Variants in PTPRK observed in about 807,000 individuals in gnomAD.
The protein encoded by PTPRK is receptor-type tyrosine-protein phosphatase kappa.
A neutral mutation model predicts 178.0 loss-of-function variants in PTPRK; 75 were observed. The observed-to-expected ratio is 0.42, with a 90% confidence interval of 0.35 to 0.51. The LOEUF (loss-of-function observed/expected upper bound fraction) is 0.51. PTPRK is among the 20% of genes least tolerant of loss of function. The pLI is 0.02. For missense variants in PTPRK, 1,441 were observed against 1,797.8 expected, an observed-to-expected ratio of 0.80 and a Z score of 3.59; for synonymous variants, 637 against 620.6, an observed-to-expected ratio of 1.03 and a Z score of -0.39.
chr6:128,408,301 T>C (rs187165613), intron 1 of PTPRK, among the ~76,000 whole-genome samples: 75 of 152,222 alleles, frequency 4.9e-4, no homozygotes, highest in African/African-American at 1.8e-3. Context: ...GGCAGGAGAA[T>C]AGCTTGAACC....
chr6:128,220,259 T>C (rs1412293821), intron 5 of PTPRK, among the ~76,000 whole-genome samples: 2 of 152,096 alleles, frequency 1.3e-5, no homozygotes, highest in Non-Finnish European at 2.9e-5. Context: ...ATCTTCTATA[T>C]GCAATTAGAA....
chr6:128,294,597 A>C, intron 3 of PTPRK, among the ~76,000 whole-genome samples: 1 of 152,072 alleles, frequency 6.6e-6, no homozygotes, highest in East Asian at 1.9e-4. Flanking sequence ...CAGTTTTGGG[A>C]AAAGATACAA....
chr6:128,335,656 A>T (rs1394351141), intron 2 of PTPRK, among the ~76,000 whole-genome samples: 2 of 152,050 alleles, frequency 1.3e-5, no homozygotes, highest in African/African-American at 2.4e-5. Flanking sequence ...AAATATAATA[A>T]AAGAAACTGA....
At chr6:128,459,761 G>GGTT (rs1452166982) in intron 1 of PTPRK, among the ~76,000 whole-genome samples, 2 of 152,166 alleles carry the variant, frequency 1.3e-5, no homozygotes, top group Non-Finnish European at 1.5e-5. Flanking sequence ...GATTCAAAGA[G>GGTT]GTTGTATTAG....
intron 4 of PTPRK, chr6:128,241,265 C>A: frequency 1.9e-6 from 1 of 533,360 alleles, no homozygotes; most frequent in South Asian, 1.4e-5. Flanking sequence ...TGAGTTAGAA[C>A]ATGAACTAAA....
intron 13 of PTPRK, among the ~76,000 whole-genome samples, chr6:128,053,899 GA>G (rs1779471234): frequency 6.6e-6 from 1 of 152,030 alleles, no homozygotes; most frequent in African/African-American, 2.4e-5. Context: ...GAAGAAAAGA[GA>G]AAAGGCTGAG....
rs9482873 is a variant in PTPRK at position 128,063,999 on chromosome 6, C to T, written c.2194+759G>A. On this transcript the variant is annotated intron_variant, in intron 13 of 29. Transcript: ENST00000368226. ...CCCAAGAACCAACCCTTTGAGGAGG[C>T]CCACGTCTGCATGCAGACAGCTTTT... Among the ~76,000 whole-genome samples, 1,019 of 152,220 alleles carry T rather than the reference C, an allele frequency of 6.7e-3. 10 individuals are homozygous for T. The highest frequency in any genetic ancestry group is 0.023 in the African/African-American group (951 of 41,524).
At chr6:128,126,960 ATT>A (rs34224724) in intron 7 of PTPRK, among the ~76,000 whole-genome samples, 1 of 145,984 alleles carries the variant, frequency 6.9e-6, no homozygotes. Flanking sequence ...TGGTACTTTC[ATT>A]TTTTTTTTTT....
At chr6:128,165,131 T>TA (rs1269450468) in intron 7 of PTPRK, among the ~76,000 whole-genome samples, 1 of 150,900 alleles carries the variant, frequency 6.6e-6, no homozygotes, top group South Asian at 2.1e-4. Context: ...CCTACCGCAT[T>TA]AAAAAAAACC....
chr6:128,255,036 G>C (rs1481314851), intron 3 of PTPRK, among the ~76,000 whole-genome samples: 2 of 152,214 alleles, frequency 1.3e-5, no homozygotes, highest in Non-Finnish European at 2.9e-5. Flanking sequence ...TATCGCCCAG[G>C]CTGGAGTACA....
chr6:128,138,874 CAG>C (rs1280466835), intron 7 of PTPRK, among the ~76,000 whole-genome samples: 1 of 151,956 alleles, frequency 6.6e-6, no homozygotes, highest in African/African-American at 2.4e-5. Flanking sequence ...GCTCTCTCTG[CAG>C]ACAGCACTAC....
chr6:128,230,854 G>A (rs1460389032), intron 5 of PTPRK: 1 of 152,128 alleles, frequency 6.6e-6, no homozygotes, highest in Non-Finnish European at 1.5e-5. Flanking sequence ...TGACTGCCAG[G>A]CTTGTATAGT....
At chr6:128,114,875 C>T (rs1483341818) in intron 7 of PTPRK, among the ~76,000 whole-genome samples, 1 of 151,902 alleles carries the variant, frequency 6.6e-6, no homozygotes, top group Non-Finnish European at 1.5e-5. Context: ...AAAAGAAAGG[C>T]AGGTATAAGT....
At chr6:128,136,493 A>AT (rs112923642) in intron 7 of PTPRK, among the ~76,000 whole-genome samples, 1 of 152,202 alleles carries the variant, frequency 6.6e-6, no homozygotes, top group South Asian at 2.1e-4. Context: ...TGATTCAAAT[A>AT]TTTTTTTATG....
At chr6:128,004,571 T>C (rs1394608123) in intron 15 of PTPRK, among the ~76,000 whole-genome samples, 1 of 151,796 alleles carries the variant, frequency 6.6e-6, no homozygotes, top group Non-Finnish European at 1.5e-5. Context: ...CTTAAGAGCA[T>C]GTAGACTAAT....
chr6:128,222,563 C>T (rs1484636997), intron 5 of PTPRK, among the ~76,000 whole-genome samples: 1 of 152,200 alleles, frequency 6.6e-6, no homozygotes, highest in East Asian at 1.9e-4. Flanking sequence ...TTACAACATC[C>T]AAGTTCCTGT....
At chr6:128,298,321 T>C (rs1399233400) in intron 3 of PTPRK, among the ~76,000 whole-genome samples, 1 of 151,946 alleles carries the variant, frequency 6.6e-6, no homozygotes, top group Non-Finnish European at 1.5e-5. Flanking sequence ...CTGGTACCAT[T>C]CCTTCTGAAA....
At chr6:128,196,846 C>G (rs539958181) in intron 6 of PTPRK, among the ~76,000 whole-genome samples, 3 of 152,218 alleles carry the variant, frequency 2.0e-5, no homozygotes, top group South Asian at 4.2e-4. Context: ...TTCAAATTCC[C>G]TATCCTTTTC....
At chr6:128,511,621 A>T (rs1243544885) in intron 1 of PTPRK, among the ~76,000 whole-genome samples, 1 of 152,212 alleles carries the variant, frequency 6.6e-6, no homozygotes, top group African/African-American at 2.4e-5. Flanking sequence ...AATTACGTCA[A>T]CTTCTAAATC....
Sources: gnomAD v4.1 joint callset for allele counts (sites outside exome capture counted in the v4.1 genomes callset) on GRCh38, gnomAD v4.1.1 for gene constraint, MANE v1.5 for transcripts, NCBI Gene and HGNC (gene_info 2026-07-23, HGNC 2026-07-21) for gene names.